The following GPBP1 variants were observed in gnomAD, a reference collection of about 807,000 sequenced individuals.
GPBP1 encodes the protein vasculin.
In GPBP1, 13 loss-of-function variants were observed where a neutral mutation model predicts 56.5. The ratio of observed to expected loss-of-function variants is 0.23; its 90% CI spans 0.15 to 0.37. GPBP1 has a LOEUF of 0.37. Ranked by LOEUF, GPBP1 falls within the 10% of genes least tolerant of loss-of-function variation. The probability of loss-of-function intolerance (pLI) is 1.00; values close to 1 mark genes in which losing one functional copy is unlikely to be tolerated. For synonymous variants in GPBP1, 204 were observed against 188.9 expected (o/e 1.08, Z -0.66); for missense variants, 477 against 572.3 (o/e 0.83, Z 1.70).
rs148213153 is a variant in GPBP1 at position 57,221,314 on chromosome 5, C to G, written c.63+7121C>G. The stretch of plus-strand genomic sequence containing the variant: ...CACTAGTTTTTTCTTTTGTGATTTT[C>G]TAGTTTTTTTAAATTCCATTAAATA... On this transcript the variant is annotated intron_variant, in intron 3 of 11. Coordinates refer to ENST00000506184, the MANE Select transcript of GPBP1 (RefSeq NM_022913.4). The G allele has an allele frequency of 2.5e-4, 289 of 1,167,552 alleles. No individual in the cohort carries two copies. In the East Asian group the frequency reaches 0.013, roughly 53 times the overall value. The allele number at this position is 1,167,552 out of a possible 1,614,324, so 72.3% of individuals were successfully genotyped here. A position where few individuals can be genotyped will look rare whatever the true frequency, so the allele number is the denominator to read the frequency against.
At chr5:57,231,689 T>A (rs1301746019) in intron 5 of GPBP1, among the ~76,000 whole-genome samples, 24 of 152,334 alleles carry the variant, frequency 1.6e-4, no homozygotes, top group African/African-American at 5.3e-4. Flanking sequence ...TCTTGATAAT[T>A]TAAAAGCTAG....
In GPBP1 at chr5:57,251,148, A is replaced by G; in HGVS notation, c.1160+7A>G. The G allele has an allele frequency of 6.3e-7, 1 of 1,579,910 alleles. No homozygotes were observed. Among genetic ancestry groups the G allele is most frequent in the Non-Finnish European group, 8.6e-7 (1 of 1,166,496 alleles). On this transcript the variant is annotated splice_region_variant and intron_variant, in intron 10 of 11. Coordinates refer to ENST00000506184, the MANE Select transcript of GPBP1 (RefSeq NM_022913.4). ...CACTTGAGGCAGAACACAGGCTAGTATTTGTTTGTACTTTTTGCTCAGCAT... is the reference window on the plus strand; with the variant it reads ...CACTTGAGGCAGAACACAGGCTAGTGTTTGTTTGTACTTTTTGCTCAGCAT...
At chr5:57,182,900 C>G (rs1754120956) in intron 2 of GPBP1, among the ~76,000 whole-genome samples, 1 of 152,278 alleles carries the variant, frequency 6.6e-6, no homozygotes, top group South Asian at 2.1e-4. Context: ...CCAGGCTAGT[C>G]TCGAACTCCT....
At chr5:57,261,313 T>C in intron 11 of GPBP1, 31 bp downstream of exon 11, 1 of 1,188,082 alleles carries the variant, frequency 8.4e-7, no homozygotes, top group Non-Finnish European at 1.3e-6. Context: ...CAACTTCACT[T>C]TTAAACTGCC....
intron 2 of GPBP1, among the ~76,000 whole-genome samples, chr5:57,187,193 G>A (rs766636808): frequency 6.6e-5 from 10 of 152,016 alleles, no homozygotes; most frequent in Non-Finnish European, 1.5e-4. Context: ...GTTTTTGTGG[G>A]TGTGTGAAGT....
chr5:57,176,178 T>G lies in GPBP1; in HGVS notation c.-280T>G, dbSNP rs908519475. On this transcript the variant is annotated 5_prime_UTR_variant, in exon 2 of 12. Transcript: ENST00000506184. ...GGAATAATAAAGAAGACTTTGATCT[T>G]AAATCTAAAGAACTTGGCTAATTCG... The G allele has an allele frequency of 2.5e-5, 10 of 394,408 alleles. No individual in the cohort carries two copies. The highest frequency in any genetic ancestry group is 2.1e-4 in the African/African-American group (10 of 48,568). 24.4% of individuals were successfully genotyped at this position (394,408 alleles called of 1,614,324 possible).
chr5:57,262,761 C>G lies in GPBP1; in HGVS notation c.*9C>G. 1 of 1,608,872 alleles carries G rather than the reference C, an allele frequency of 6.2e-7. No individual in the cohort carries two copies. The highest frequency in any genetic ancestry group is 8.5e-7 in the Non-Finnish European group (1 of 1,176,118). ...ATGACGACGATGTGTGAAGGATTTC[C>G]TAACAGCTTTAGAAATCTTAGTGTG... On this transcript the variant is annotated 3_prime_UTR_variant, in exon 12 of 12. Coordinates refer to ENST00000506184, the MANE Select transcript of GPBP1 (RefSeq NM_022913.4).
intron 2 of GPBP1, among the ~76,000 whole-genome samples, chr5:57,209,337 C>T (rs1755377539): frequency 6.6e-6 from 1 of 152,188 alleles, no homozygotes; most frequent in Non-Finnish European, 1.5e-5. Context: ...GTTCCCCAGG[C>T]TGGAGTGTAG....
chr5:57,175,770 A>G lies in GPBP1; in HGVS notation c.-688A>G, dbSNP rs1277035440. 7.6e-6 allele frequency: 3 copies of G among 396,646 alleles called. No homozygotes were observed. Among genetic ancestry groups the G allele is most frequent in the Non-Finnish European group, 1.3e-5 (3 of 225,502 alleles). 24.6% of individuals were successfully genotyped at this position (396,646 alleles called of 1,614,324 possible). On this transcript the variant is annotated 5_prime_UTR_variant, in exon 2 of 12. Coordinates refer to ENST00000506184, the MANE Select transcript of GPBP1 (RefSeq NM_022913.4). ...GGGGTTCTTCAGCCGAAACTGAGAGACGTTGATTTGTGTACTGAGTAGTTT... is the reference window on the plus strand; with the variant it reads ...GGGGTTCTTCAGCCGAAACTGAGAGGCGTTGATTTGTGTACTGAGTAGTTT...
intron 3 of GPBP1, among the ~76,000 whole-genome samples, chr5:57,220,957 C>CTT (rs1185203784): frequency 6.6e-6 from 1 of 152,150 alleles, no homozygotes; most frequent in African/African-American, 2.4e-5. Context: ...CATCGTTTCT[C>CTT]TTTTTAATAT....
At chr5:57,204,682 A>G (rs1755156152) in intron 2 of GPBP1, among the ~76,000 whole-genome samples, 1 of 152,208 alleles carries the variant, frequency 6.6e-6, no homozygotes, top group Non-Finnish European at 1.5e-5. Context: ...CCTTTGGTCT[A>G]GAATATTACA....
chr5:57,230,174 C>G (rs118185153), intron 3 of GPBP1, among the ~76,000 whole-genome samples: 35 of 151,950 alleles, frequency 2.3e-4, no homozygotes, highest in African/African-American at 8.0e-4. Flanking sequence ...TCAGGTGATC[C>G]GCTTGCCTCG....
chr5:57,180,962 C>CA (rs1754017469), intron 2 of GPBP1, among the ~76,000 whole-genome samples: 1 of 152,128 alleles, frequency 6.6e-6, no homozygotes. Context: ...GGCTGGTCTC[C>CA]AACTCCTGAT....
intron 2 of GPBP1, among the ~76,000 whole-genome samples, chr5:57,187,780 G>C (rs991130568): frequency 2.0e-5 from 3 of 151,988 alleles, no homozygotes; most frequent in Non-Finnish European, 4.4e-5. Context: ...CTGGTCACAG[G>C]TGATAGTGGT....
chr5:57,255,303 T>TG (rs1313804308), intron 10 of GPBP1, among the ~76,000 whole-genome samples: 2 of 152,214 alleles, frequency 1.3e-5, no homozygotes, highest in African/African-American at 4.8e-5. Context: ...TCAGCATCCT[T>TG]GTATTTATAT....
At chr5:57,178,641 C>G (rs1186002294) in intron 2 of GPBP1, among the ~76,000 whole-genome samples, 1 of 152,202 alleles carries the variant, frequency 6.6e-6, no homozygotes, top group Non-Finnish European at 1.5e-5. Flanking sequence ...TAGCAATTAA[C>G]TTTAATCTGT....
chr5:57,262,469 A>G, intron 11 of GPBP1, 125 bp from the exon 12 acceptor site: 1 of 715,240 alleles, frequency 1.4e-6, no homozygotes, highest in Non-Finnish European at 2.3e-6. Context: ...GAATTTTTTC[A>G]GAAATATCAT....
At chr5:57,253,653 A>G (rs149828313) in intron 10 of GPBP1, among the ~76,000 whole-genome samples, 53 of 152,224 alleles carry the variant, frequency 3.5e-4, no homozygotes, top group African/African-American at 1.3e-3. Flanking sequence ...GTATTTTTCT[A>G]CCTGTTATGT....
chr5:57,262,465 T>A, intron 11 of GPBP1, 129 bp from the exon 12 acceptor site: 1 of 694,914 alleles, frequency 1.4e-6, no homozygotes, highest in Non-Finnish European at 2.4e-6. Flanking sequence ...TCCAGAATTT[T>A]TTCAGAAATA....
Sources: allele counts gnomAD v4.1 joint callset (sites outside exome capture counted in the v4.1 genomes callset), GRCh38; gene constraint gnomAD v4.1.1; transcripts MANE v1.5; gene names NCBI Gene and HGNC (gene_info 2026-07-23, HGNC 2026-07-21).